Variants in B3GALT1 observed in about 807,000 individuals in gnomAD.
B3GALT1 encodes beta-1,3-galactosyltransferase 1.
A neutral mutation model predicts 23.2 loss-of-function variants in B3GALT1; 10 were observed. That is an observed-to-expected ratio of 0.43 (90% CI 0.27 to 0.73). The LOEUF (loss-of-function observed/expected upper bound fraction) is 0.73, where lower values mean the gene tolerates loss of function less well. Among genes scored for constraint, B3GALT1 ranks in the 30% least tolerant of loss-of-function variants. The probability of loss-of-function intolerance (pLI) is 0.21; values close to 1 mark genes in which losing one functional copy is unlikely to be tolerated. For synonymous variants in B3GALT1, 156 were observed against 141.5 expected (o/e 1.10, Z -0.73); for missense variants, 299 against 405.4 (o/e 0.74, Z 2.25).
intron 1 of B3GALT1, among the ~76,000 whole-genome samples, chr2:167,428,009 G>C (rs939432478): frequency 2.0e-4 from 30 of 152,288 alleles, no homozygotes; most frequent in African/African-American, 7.0e-4. Context: ...ATAAAGTGCA[G>C]AGTCTGCTAC....
intron 1 of B3GALT1, among the ~76,000 whole-genome samples, chr2:167,352,271 T>G (rs1338345967): frequency 1.6e-5 from 2 of 127,586 alleles, no homozygotes; most frequent in African/African-American, 7.2e-5. Context: ...CTGGCCTGTT[T>G]TTTTTTTTGT....
At chr2:167,309,397 G>A (rs560647113) in intron 1 of B3GALT1, among the ~76,000 whole-genome samples, 90 of 152,110 alleles carry the variant, frequency 5.9e-4, no homozygotes, top group African/African-American at 2.0e-3. Context: ...ACAAAAGATA[G>A]AAACTTAGAG....
intron 2 of B3GALT1, among the ~76,000 whole-genome samples, chr2:167,555,287 A>G (rs78599119): frequency 0.011 from 1,606 of 152,302 alleles, 27 homozygotes; most frequent in African/African-American, 0.037. Flanking sequence ...TATCATACAC[A>G]TAAATCTCAC....
chr2:167,750,604 T>C (rs1687719638), intron 3 of B3GALT1, among the ~76,000 whole-genome samples: 1 of 152,152 alleles, frequency 6.6e-6, no homozygotes. Flanking sequence ...CCTGGGTACC[T>C]GGTACTGTCC....
intron 2 of B3GALT1, among the ~76,000 whole-genome samples, chr2:167,535,994 G>A (rs980385785): frequency 6.6e-6 from 1 of 152,078 alleles, no homozygotes; most frequent in African/African-American, 2.4e-5. Context: ...CGTGATCATG[G>A]CTCACTGCAA....
In B3GALT1 at chr2:167,711,276, A is replaced by G. The variant is rs1462158984; in HGVS notation, c.-352+64310A>G. Among the ~76,000 whole-genome samples the G allele has an allele frequency of 2.6e-5, 4 of 152,258 alleles. 1 individual carries two copies. The highest frequency in any genetic ancestry group is 4.1e-4 in the South Asian group (2 of 4,822). Reference sequence around the variant, plus strand: ...AAGACCTCTAGTCGCACTCCATCACATCACTCCTCTGTTTTATATTTATTG... The same window carrying G: ...AAGACCTCTAGTCGCACTCCATCACGTCACTCCTCTGTTTTATATTTATTG... On this transcript the variant is annotated intron_variant, in intron 3 of 4. Coordinates refer to ENST00000392690, the MANE Select transcript of B3GALT1 (RefSeq NM_020981.4).
chr2:167,339,202 T>C (rs1402984224), intron 1 of B3GALT1, among the ~76,000 whole-genome samples: 1 of 152,172 alleles, frequency 6.6e-6, no homozygotes, highest in African/African-American at 2.4e-5. Flanking sequence ...ACGGAAAGCA[T>C]GCAAATGCTC....
At chr2:167,424,548 AGT>A (rs68095904) in intron 1 of B3GALT1, among the ~76,000 whole-genome samples, 28 of 151,256 alleles carry the variant, frequency 1.9e-4, no homozygotes, top group African/African-American at 3.9e-4. Context: ...TCTCTACATT[AGT>A]GTGTGTGTGT....
intron 1 of B3GALT1, among the ~76,000 whole-genome samples, chr2:167,486,650 G>T (rs997428289): frequency 1.3e-5 from 2 of 150,300 alleles, no homozygotes; most frequent in Non-Finnish European, 3.0e-5. Flanking sequence ...GCCGGGAGGC[G>T]AAGGTTGCAG....
intron 1 of B3GALT1, among the ~76,000 whole-genome samples, chr2:167,464,146 A>G (rs1699307922): frequency 6.6e-6 from 1 of 152,116 alleles, no homozygotes; most frequent in Non-Finnish European, 1.5e-5. Context: ...CTAAAAACCA[A>G]GAATCCTGTG....
At chr2:167,522,482 G>A (rs2105362359) in intron 2 of B3GALT1, among the ~76,000 whole-genome samples, 1 of 152,068 alleles carries the variant, frequency 6.6e-6, no homozygotes, top group South Asian at 2.1e-4. Context: ...GATTTTTCTA[G>A]AATTTTCTCT....
At position 167,308,822 on chromosome 2, in the gene B3GALT1, A is replaced by T. The variant is rs113955763; in HGVS notation, c.-511+15488A>T. 2.9e-3 allele frequency among the ~76,000 whole-genome samples: 446 copies of T among 152,124 alleles called. 1 individual carries two copies. Among genetic ancestry groups the T allele is most frequent in the African/African-American group, 0.01 (416 of 41,526 alleles). Reference sequence around the variant, plus strand: ...GGCCTGGCAAGTGACTTGATGGCTGATCCTTTTCATCTGTACGAAATCCTG... The same window carrying T: ...GGCCTGGCAAGTGACTTGATGGCTGTTCCTTTTCATCTGTACGAAATCCTG... On this transcript the variant is annotated intron_variant, in intron 1 of 4. Coordinates refer to ENST00000392690, the MANE Select transcript of B3GALT1 (RefSeq NM_020981.4).
chr2:167,735,704 T>C (rs932237262), intron 3 of B3GALT1, among the ~76,000 whole-genome samples: 1 of 152,212 alleles, frequency 6.6e-6, no homozygotes, highest in African/African-American at 2.4e-5. Flanking sequence ...AATGATTCAT[T>C]GAACCTCTAC....
intron 1 of B3GALT1, among the ~76,000 whole-genome samples, chr2:167,442,030 TC>T (rs1435541199): frequency 8.1e-6 from 1 of 123,440 alleles, no homozygotes; most frequent in Non-Finnish European, 1.7e-5. Flanking sequence ...CCCTCCCCAC[TC>T]CCCCCACCCC....
intron 4 of B3GALT1, among the ~76,000 whole-genome samples, chr2:167,857,860 C>G (rs577526505): frequency 6.6e-6 from 1 of 152,166 alleles, no homozygotes; most frequent in African/African-American, 2.4e-5. Flanking sequence ...CTGAAAATTG[C>G]TAAGTCCCTC....
At chr2:167,437,932 C>A (rs1030968050) in intron 1 of B3GALT1, among the ~76,000 whole-genome samples, 9 of 152,092 alleles carry the variant, frequency 5.9e-5, no homozygotes, top group African/African-American at 2.2e-4. Context: ...TTAAGGTAGA[C>A]CCATTGACCC....
intron 4 of B3GALT1, among the ~76,000 whole-genome samples, chr2:167,862,323 GA>G (rs1190346306): frequency 6.6e-6 from 1 of 152,210 alleles, no homozygotes; most frequent in African/African-American, 2.4e-5. Context: ...ATCGCAGTCT[GA>G]GCCCAAAGGC....
At chr2:167,422,185 A>C (rs890416518) in intron 1 of B3GALT1, among the ~76,000 whole-genome samples, 1 of 151,858 alleles carries the variant, frequency 6.6e-6, no homozygotes, top group African/African-American at 2.4e-5. Context: ...ACAGTGACAT[A>C]AGAGAGCATT....
In B3GALT1 at chr2:167,854,245, TG is replaced by T; in HGVS notation, c.-229-14565del. On this transcript the variant is annotated intron_variant, in intron 4 of 4. Transcript: ENST00000392690. ...ATACTTAAAGAAATAGAGACAATGG[TG>T]TGTGGCTAAGGGTTGTAAACAGGGG... Among the ~76,000 whole-genome samples the T allele has an allele frequency of 1.3e-5, 2 of 152,222 alleles. 1 individual carries two copies. Among genetic ancestry groups the T allele is most frequent in the Middle Eastern group, 6.8e-3 (2 of 294 alleles).
Sources: allele counts gnomAD v4.1 joint callset (sites outside exome capture counted in the v4.1 genomes callset), GRCh38; gene constraint gnomAD v4.1.1; transcripts MANE v1.5; gene names NCBI Gene and HGNC (gene_info 2026-07-23, HGNC 2026-07-21).